The following EXT2 variants were observed in gnomAD, a reference collection of about 807,000 sequenced individuals.
EXT2 encodes exostosin glycosyltransferase 2, also known as exostosin-2.
In EXT2, 53 loss-of-function variants were observed where a neutral mutation model predicts 81.6. The observed-to-expected ratio is 0.65, with a 90% CI of 0.52 to 0.82. EXT2 has a LOEUF of 0.82. Among genes scored for constraint, EXT2 ranks in the 40% least tolerant of loss-of-function variants. The pLI is 0.00. For synonymous variants in EXT2, 320 were observed against 340.0 expected, an observed-to-expected ratio of 0.94 and a Z score of 0.65; for missense variants, 774 against 910.2, an observed-to-expected ratio of 0.85 and a Z score of 1.93.
intron 8 of EXT2, among the ~76,000 whole-genome samples, chr11:44,191,419 G>T (rs947017077): frequency 6.6e-6 from 1 of 152,212 alleles, no homozygotes; most frequent in Non-Finnish European, 1.5e-5. Flanking sequence ...GGTTTTGAAG[G>T]CATAGCTGCG....
At chr11:44,185,645 A>G (rs557341480) in intron 8 of EXT2, among the ~76,000 whole-genome samples, 5 of 152,198 alleles carry the variant, frequency 3.3e-5, no homozygotes, top group Non-Finnish European at 5.9e-5. Flanking sequence ...TCCACTCTGT[A>G]TCAACTTTCA....
rs1956078428 is a variant in EXT2 at position 44,244,820 on chromosome 11, G to C, written c.*533G>C. Reference sequence around the variant, plus strand: ...AATGCCTTGGGACCTGGAGTGCTGGGCTTGTGCACAGGAAGAGCACCAGCC... The same window carrying C: ...AATGCCTTGGGACCTGGAGTGCTGGCCTTGTGCACAGGAAGAGCACCAGCC... On this transcript the variant is annotated 3_prime_UTR_variant, in exon 14 of 14. Coordinates refer to ENST00000533608, the MANE Select transcript of EXT2 (RefSeq NM_207122.2). 4.1e-6 allele frequency: 1 copy of C among 244,546 alleles called. No homozygotes were observed. The highest frequency in any genetic ancestry group is 1.5e-4 in the South Asian group (1 of 6,796). The allele number at this position is 244,546 out of a possible 1,614,324, so 15.1% of individuals were successfully genotyped here. A position where few individuals can be genotyped will look rare whatever the true frequency, so the allele number is the denominator to read the frequency against.
chr11:44,096,362 T>G (rs1159257747), intron 1 of EXT2: 1 of 1,518,114 alleles, frequency 6.6e-7, no homozygotes, highest in Admixed American at 2.0e-5. Context: ...GGGGACTGGG[T>G]GGTCGGGGGC....
intron 10 of EXT2, among the ~76,000 whole-genome samples, chr11:44,210,912 A>G (rs1266382059): frequency 2.0e-5 from 3 of 152,226 alleles, no homozygotes; most frequent in Non-Finnish European, 4.4e-5. Context: ...TCAAAACAAT[A>G]CAGTCAAAAT....
At chr11:44,131,756 G>A (rs1457346071) in intron 7 of EXT2, among the ~76,000 whole-genome samples, 1 of 152,092 alleles carries the variant, frequency 6.6e-6, no homozygotes. Context: ...TTCTTTCCCC[G>A]CCGAGGGGTC....
intron 1 of EXT2, among the ~76,000 whole-genome samples, chr11:44,099,843 C>T (rs999317383): frequency 1.3e-5 from 2 of 152,012 alleles, no homozygotes; most frequent in South Asian, 4.2e-4. Flanking sequence ...GGGGCTTTTC[C>T]CCTTTCTTTT....
At chr11:44,177,196 G>A (rs577993025) in intron 8 of EXT2, among the ~76,000 whole-genome samples, 1 of 152,278 alleles carries the variant, frequency 6.6e-6, no homozygotes, top group East Asian at 1.9e-4. Context: ...ACCAAGTTAA[G>A]GTTCTTTATT....
chr11:44,167,412 G>T (rs916892276), intron 7 of EXT2, among the ~76,000 whole-genome samples: 1 of 152,162 alleles, frequency 6.6e-6, no homozygotes, highest in South Asian at 2.1e-4. Flanking sequence ...CCAAGGTAGA[G>T]GGGCCCTGGC....
At chr11:44,140,837 A>G (rs1954635866) in intron 7 of EXT2, among the ~76,000 whole-genome samples, 1 of 152,184 alleles carries the variant, frequency 6.6e-6, no homozygotes, top group Non-Finnish European at 1.5e-5. Context: ...TGGCACAAAC[A>G]TGTTATTTTT....
chr11:44,162,786 G>A (rs1304408191), intron 7 of EXT2, among the ~76,000 whole-genome samples: 1 of 152,042 alleles, frequency 6.6e-6, no homozygotes, highest in African/African-American at 2.4e-5. Flanking sequence ...GTGGGGCTGG[G>A]AAAATGTACT....
At chr11:44,225,713 A>G (rs549836212) in intron 10 of EXT2, among the ~76,000 whole-genome samples, 1 of 152,352 alleles carries the variant, frequency 6.6e-6, no homozygotes, top group East Asian at 1.9e-4. Flanking sequence ...CTTCATGAAT[A>G]GAAGATTGGA....
chr11:44,152,052 T>A (rs1469764032), intron 7 of EXT2, among the ~76,000 whole-genome samples: 1 of 152,230 alleles, frequency 6.6e-6, no homozygotes, highest in Non-Finnish European at 1.5e-5. Context: ...TTGCCATTTT[T>A]TAATCTGATT....
At chr11:44,100,241 C>T (rs1186920941) in intron 1 of EXT2, among the ~76,000 whole-genome samples, 1 of 152,192 alleles carries the variant, frequency 6.6e-6, no homozygotes, top group Non-Finnish European at 1.5e-5. Context: ...AAGTTGTTTT[C>T]TCTTAGTTTG....
chr11:44,190,339 G>A (rs1445403866), intron 8 of EXT2, among the ~76,000 whole-genome samples: 1 of 152,178 alleles, frequency 6.6e-6, no homozygotes, highest in Non-Finnish European at 1.5e-5. Context: ...AAACCACATT[G>A]AGGTAAGGGT....
At chr11:44,243,952 G>A (rs1306338943) in intron 13 of EXT2, among the ~76,000 whole-genome samples, 197 bp from the exon 14 acceptor site, 3 of 152,122 alleles carry the variant, frequency 2.0e-5, no homozygotes, top group Admixed American at 6.6e-5. Context: ...CCAGTTCACC[G>A]CTTTTTTCCA....
At chr11:44,212,298 T>TAAAA (rs1415360035) in intron 10 of EXT2, among the ~76,000 whole-genome samples, 78 of 80,672 alleles carry the variant, frequency 9.7e-4, no homozygotes, top group South Asian at 1.5e-3. Flanking sequence ...AAAATAAAAA[T>TAAAA]ATAAATAAAT....
chr11:44,204,021 G>C (rs1378781334), intron 9 of EXT2, among the ~76,000 whole-genome samples: 1 of 152,190 alleles, frequency 6.6e-6, no homozygotes, highest in African/African-American at 2.4e-5. Context: ...TGCCTGCACT[G>C]TCCTTGTTAT....
intron 8 of EXT2, among the ~76,000 whole-genome samples, chr11:44,177,843 C>A (rs1421065176): frequency 6.6e-6 from 1 of 151,942 alleles, no homozygotes; most frequent in African/African-American, 2.4e-5. Flanking sequence ...GTTCTTATGG[C>A]CATTGACAAA....
At position 44,171,750 on chromosome 11, in the gene EXT2, A is replaced by C; in HGVS notation, c.1305+8A>C. On this transcript the variant is annotated splice_region_variant and intron_variant, in intron 8 of 13. Transcript: ENST00000533608. ...AATGACCCTCCTGCTGTGGTAAGTG[A>C]ATTCCAGTGCTAGCCACATGAGGCA... 6.2e-7 allele frequency: 1 copy of C among 1,613,834 alleles called. No individual in the cohort carries two copies. The highest frequency in any genetic ancestry group is 8.5e-7 in the Non-Finnish European group (1 of 1,179,850).
Sources: gnomAD v4.1 joint callset for allele counts (sites outside exome capture counted in the v4.1 genomes callset) on GRCh38, gnomAD v4.1.1 for gene constraint, MANE v1.5 for transcripts, NCBI Gene and HGNC (gene_info 2026-07-23, HGNC 2026-07-21) for gene names.